MAP4: variants seen among roughly 807,000 people sequenced by gnomAD.
The protein encoded by MAP4 is microtubule-associated protein 4.
Under a neutral mutation model 170.2 loss-of-function variants are expected in MAP4, and 76 were observed. The ratio of observed to expected loss-of-function variants is 0.45; its 90% CI spans 0.37 to 0.54. MAP4 has a LOEUF of 0.54. Ranked by LOEUF, MAP4 falls within the 20% of genes least tolerant of loss-of-function variation. The probability of loss-of-function intolerance (pLI) is 0.00; values close to 1 mark genes in which losing one functional copy is unlikely to be tolerated. For missense variants in MAP4, 2,506 were observed against 2,748.0 expected, an observed-to-expected ratio of 0.91 and a Z score of 1.97; for synonymous variants, 909 against 994.5, an observed-to-expected ratio of 0.91 and a Z score of 1.62.
chr3:47,894,253 A>G (rs947851485), intron 10 of MAP4, among the ~76,000 whole-genome samples: 2 of 152,250 alleles, frequency 1.3e-5, no homozygotes, highest in African/African-American at 4.8e-5. Context: ...AAAATGAAGA[A>G]TGCCAGGAGA....
At chr3:47,898,170 A>G (rs1238683602) in intron 10 of MAP4, among the ~76,000 whole-genome samples, 2 of 152,140 alleles carry the variant, frequency 1.3e-5, no homozygotes, top group Admixed American at 1.3e-4. Context: ...AGAGAACCAG[A>G]CGCTTTTACA....
intron 1 of MAP4, among the ~76,000 whole-genome samples, chr3:48,075,889 C>A (rs193080919): frequency 6.8e-6 from 1 of 148,010 alleles, no homozygotes; most frequent in Non-Finnish European, 1.5e-5. Context: ...GCAGGAGAAT[C>A]GCTTGAACCC....
At chr3:47,876,929 C>T (rs2062687214) in intron 11 of MAP4, 3 of 147,818 alleles carry the variant, frequency 2.0e-5, no homozygotes, top group Admixed American at 1.3e-4. Context: ...TGAGATGGAG[C>T]CCAGTGCAGT....
chr3:47,905,263 T>C (rs2100032292), intron 9 of MAP4, among the ~76,000 whole-genome samples: 1 of 152,194 alleles, frequency 6.6e-6, no homozygotes, highest in African/African-American at 2.4e-5. Context: ...TTAATTTTTC[T>C]TCTACAAAAC....
At chr3:47,893,444 C>T (rs1559939773) in intron 10 of MAP4, among the ~76,000 whole-genome samples, 1 of 152,166 alleles carries the variant, frequency 6.6e-6, no homozygotes, top group Non-Finnish European at 1.5e-5. Flanking sequence ...GACCTCCAGA[C>T]TTAGGGACTC....
chr3:47,917,101 CATT>C lies in MAP4; in HGVS notation c.723_725del (p.Ile241del), dbSNP rs753818095. On this transcript the variant is annotated inframe_deletion, in exon 7 of 21. Transcript: ENST00000683076. ...CCATGTCAGTAGTCTTCAGTCCCAT[CATT>C]ATTTCCAATGCTTGTGCTGGTGGCC... The C allele has an allele frequency of 8.7e-6, 14 of 1,614,034 alleles. No homozygotes were observed. The highest frequency in any genetic ancestry group is 1.2e-5 in the Non-Finnish European group (14 of 1,179,998).
intron 1 of MAP4, among the ~76,000 whole-genome samples, chr3:48,066,998 G>A (rs1559892648): frequency 1.3e-5 from 2 of 151,626 alleles, no homozygotes; most frequent in African/African-American, 2.4e-5. Context: ...CCATCACCAC[G>A]CCCGGCTAAT....
At chr3:47,892,003 C>A in intron 10 of MAP4, 2 of 1,536,342 alleles carry the variant, frequency 1.3e-6, no homozygotes, top group Non-Finnish European at 1.7e-6. Context: ...CAGGGAAATC[C>A]AGATCTGACT....
chr3:47,871,977 C>A lies in MAP4; in HGVS notation c.5881G>T (p.Val1961Phe). ...TVAKTTTAAAVASTGPSSRSP... is the reference protein window; with the variant it reads ...TVAKTTTAAAFASTGPSSRSP... ...CTACTGCTTGGGCCAGTTGAGGCAACAGCAGCAGCTGTTGTGGTTTTTGCA... is the reference window on the plus strand; with the variant it reads ...CTACTGCTTGGGCCAGTTGAGGCAAAAGCAGCAGCTGTTGTGGTTTTTGCA... The change falls in exon 13 of 21, where the codon GTT becomes TTT. Residue 1961 changes from valine to phenylalanine, a missense_variant. Physicochemically the swap from Val to Phe is conservative, Grantham distance 50. This residue lies in a region of MAP4 where 487 missense variants were observed against 511.6 expected (regional missense o/e 0.95). Coordinates refer to ENST00000683076, the MANE Select transcript of MAP4 (RefSeq NM_001385682.1). 6.2e-7 allele frequency: 1 copy of A among 1,613,978 alleles called. No homozygotes were observed. Among genetic ancestry groups the A allele is most frequent in the Non-Finnish European group, 8.5e-7 (1 of 1,179,916 alleles).
chr3:47,914,828 G>T lies in MAP4; in HGVS notation c.1988C>A (p.Ser663Ter), dbSNP rs2100037759. The change falls in exon 8 of 21, where the codon TCA becomes TAA. Residue 663 changes from serine (S) to a stop codon, truncating the protein, a stop_gained. Coordinates refer to ENST00000683076, the MANE Select transcript of MAP4 (RefSeq NM_001385682.1). LOFTEE classifies it high-confidence loss of function. ...PCNSQPSELS[S>*]ETSANFMYCG... is the part of the protein sequence containing the mutation. ...TTTTCCTAACTTACCTGAGGTCTCT[G>T]AAGAAAGCTCAGAAGGTTGACTGTT... The T allele has an allele frequency of 6.2e-7, 1 of 1,614,016 alleles. No individual in the cohort carries two copies. The highest frequency in any genetic ancestry group is 8.5e-7 in the Non-Finnish European group (1 of 1,180,038).
chr3:47,864,834 T>A lies in MAP4; in HGVS notation c.6501+2412A>T, dbSNP rs1206252638. Among the ~76,000 whole-genome samples, 3 of 152,172 alleles carry A rather than the reference T, an allele frequency of 2.0e-5. No individual in the cohort carries two copies. In the East Asian group the frequency reaches 5.8e-4, roughly 29 times the overall value. ...GTGAGCCGAGATTACGCCACTGCACTCCAGGCTGGGCGACAGAGCAAGACT... is the reference window on the plus strand; with the variant it reads ...GTGAGCCGAGATTACGCCACTGCACACCAGGCTGGGCGACAGAGCAAGACT... On this transcript the variant is annotated intron_variant, in intron 17 of 20. Coordinates refer to ENST00000683076, the MANE Select transcript of MAP4 (RefSeq NM_001385682.1).
At position 47,996,124 on chromosome 3, in the gene MAP4, T is replaced by C. The variant is rs139212084; in HGVS notation, c.223+2514A>G. 8.0e-4 allele frequency among the ~76,000 whole-genome samples: 122 copies of C among 152,260 alleles called. 3 individuals carry two copies. In the East Asian group the frequency reaches 0.021, roughly 26 times the overall value. On this transcript the variant is annotated intron_variant, in intron 2 of 20. Transcript: ENST00000683076. Reference sequence around the variant, plus strand: ...GGCCACCACCATTAAGGGAAAAGCATGAACCCCTCCCACTGGGATCTTTCT... The same window carrying C: ...GGCCACCACCATTAAGGGAAAAGCACGAACCCCTCCCACTGGGATCTTTCT...
At chr3:48,008,096 C>G (rs774756028) in intron 1 of MAP4, among the ~76,000 whole-genome samples, 2 of 152,212 alleles carry the variant, frequency 1.3e-5, no homozygotes, top group African/African-American at 2.4e-5. Context: ...TCTAGCCATA[C>G]AGTGGATTGT....
At chr3:47,859,660 A>T (rs1404304806) in intron 17 of MAP4, among the ~76,000 whole-genome samples, 1 of 152,226 alleles carries the variant, frequency 6.6e-6, no homozygotes, top group Non-Finnish European at 1.5e-5. Context: ...CACCACCAGG[A>T]ACTATACCAT....
rs1261301503 is a variant in MAP4 at position 48,003,471 on chromosome 3, A to C, written c.-19-4592T>G. On this transcript the variant is annotated intron_variant, in intron 1 of 20. Transcript: ENST00000683076. ...TCCTTCTCAAAAAAAAAAAAAAAAA[A>C]AACATATTAAATTGTACAAAACTGT... is the stretch of plus-strand genomic sequence containing the variant. Among the ~76,000 whole-genome samples the C allele has an allele frequency of 5.7e-5, 8 of 140,350 alleles. No individual in the cohort carries two copies. The South Asian group carries it at 1.6e-3, about 29-fold the overall frequency. 92.1% of individuals were successfully genotyped at this position (140,350 alleles called of 152,430 possible). A position where few individuals can be genotyped will look rare whatever the true frequency, so the allele number is the denominator to read the frequency against.
At chr3:47,866,710 C>T (rs2081009738) in intron 17 of MAP4, among the ~76,000 whole-genome samples, 1 of 152,142 alleles carries the variant, frequency 6.6e-6, no homozygotes, top group African/African-American at 2.4e-5. Flanking sequence ...GCTGAGATCA[C>T]ACCACTGCAC....
At chr3:47,958,103 T>C (rs1232238919) in intron 3 of MAP4, among the ~76,000 whole-genome samples, 1 of 152,276 alleles carries the variant, frequency 6.6e-6, no homozygotes, top group Non-Finnish European at 1.5e-5. Flanking sequence ...AACCTACTGG[T>C]TGGGAAAGAT....
rs1451471812 is a variant in MAP4, at chr3:47,910,043, TATCTGGAAAGGA to T, written c.4366_4377del (p.Ser1456_Asp1459del). ...ATCTCTTGCCCATTTTTTGCCAAGG[TATCTGGAAAGGA>T]ATCACCTTCCTTTACTACTTGAGGA... On this transcript the variant is annotated inframe_deletion, in exon 9 of 21. Coordinates refer to ENST00000683076, the MANE Select transcript of MAP4 (RefSeq NM_001385682.1). 6.2e-7 allele frequency: 1 copy of T among 1,614,032 alleles called. No homozygotes were observed. Among genetic ancestry groups the T allele is most frequent in the Admixed American group, 1.7e-5 (1 of 60,032 alleles).
At chr3:47,973,915 AT>A (rs2100080346) in intron 3 of MAP4, 1 of 984,984 alleles carries the variant, frequency 1.0e-6, no homozygotes, top group Admixed American at 6.1e-5. Context: ...GAAGATAAGC[AT>A]AACCTCTTTC....
Sources: gnomAD v4.1 joint callset for allele counts (sites outside exome capture counted in the v4.1 genomes callset) on GRCh38, gnomAD v4.1.1 for gene constraint, gnomAD v4.1.1 regional missense constraint, MANE v1.5 for transcripts, NCBI Gene and HGNC (gene_info 2026-07-23, HGNC 2026-07-21) for gene names.